ZNF276: variants seen among roughly 807,000 people sequenced by gnomAD.
The protein encoded by ZNF276 is zinc finger protein 276, also known as centromere protein Z.
Under a neutral mutation model 63.9 loss-of-function variants are expected in ZNF276, and 59 were observed. The ratio of observed to expected loss-of-function variants is 0.92; its 90% CI spans 0.75 to 1.15. The LOEUF is 1.15. ZNF276 is among the 50% of genes most tolerant of loss of function. The probability of loss-of-function intolerance (pLI) is 0.00; values close to 1 mark genes in which losing one functional copy is unlikely to be tolerated. For synonymous variants in ZNF276, 496 were observed against 348.4 expected (o/e 1.42, Z -4.72); for missense variants, 1,084 against 843.8 (o/e 1.28, Z -3.53).
rs544082768 is a variant in ZNF276, at chr16:89,724,963, T to A, written c.1006+1254T>A. On this transcript the variant is annotated intron_variant, in intron 4 of 10. Transcript: ENST00000443381. ...ATCTATCTATGTGTTTATTTATTTT[T>A]GAGACAGAGTCTCGTTTTGTAGCCC... is the stretch of plus-strand genomic sequence containing the variant. 1.6e-3 allele frequency among the ~76,000 whole-genome samples: 238 copies of A among 152,394 alleles called. 2 individuals carry two copies. Among genetic ancestry groups the A allele is most frequent in the African/African-American group, 5.3e-3 (221 of 41,600 alleles).
intron 5 of ZNF276, among the ~76,000 whole-genome samples, chr16:89,728,692 G>A (rs187529599): frequency 1.9e-3 from 291 of 152,142 alleles, no homozygotes; most frequent in African/African-American, 2.9e-3. Context: ...GTTAGCCACC[G>A]CACCCGGCCA....
chr16:89,721,224 G>A (rs939429183), upstream of ZNF276: 5 of 220,164 alleles, frequency 2.3e-5, no homozygotes, highest in Non-Finnish European at 3.5e-5. Flanking sequence ...CGCCACCTGC[G>A]CGCCGCGTGG....
chr16:89,729,055 G>T (rs979098761), intron 5 of ZNF276, among the ~76,000 whole-genome samples, 180 bp from the exon 6 acceptor site: 1 of 152,192 alleles, frequency 6.6e-6, no homozygotes. Context: ...TGTGAGCCTG[G>T]CTGGCCCTTT....
intron 1 of ZNF276, 24 bp from the exon 2 acceptor site, chr16:89,722,506 TA>T: frequency 6.3e-7 from 1 of 1,589,462 alleles, no homozygotes; most frequent in Non-Finnish European, 8.6e-7. Flanking sequence ...TGCCAGCTGC[TA>T]ACACTTCCTG....
Position 89,733,489 on chromosome 16 carries a change from C to T in ZNF276, c.1288C>T (p.Leu430Phe), listed in dbSNP as rs2061743800. The T allele has an allele frequency of 1.2e-6, 2 of 1,614,200 alleles. No individual in the cohort carries two copies. Among genetic ancestry groups the T allele is most frequent in the Non-Finnish European group, 1.7e-6 (2 of 1,180,038 alleles). ...GCATGCTCTTCATTGCAGGGAGGAGCTTCCCACCATCTACAAGTGTCCTTA... is the reference window on the plus strand; with the variant it reads ...GCATGCTCTTCATTGCAGGGAGGAGTTTCCCACCATCTACAAGTGTCCTTA... ...KKKLRCEREE[L>F]PTIYKCPYQG... The change falls in exon 8 of 11, where the codon CTT becomes TTT. Residue 430 changes from leucine (L) to phenylalanine (F), a missense_variant. Transcript: ENST00000443381.
rs539995229 is a variant in ZNF276 at position 89,739,679 on chromosome 16, C to T, written c.*1433C>T. ...GGCTGTGGGGATAGTGTGGGGCGAA[C>T]AGCCTGAGCTGAGGATACCCAGGTA... On this transcript the variant is annotated 3_prime_UTR_variant, in exon 11 of 11. Coordinates refer to ENST00000443381, the MANE Select transcript of ZNF276 (RefSeq NM_001113525.2). 8.1e-5 allele frequency: 122 copies of T among 1,515,270 alleles called. 2 individuals are homozygous for T. The South Asian group carries it at 1.4e-3, about 17-fold the overall frequency. The allele number at this position is 1,515,270 out of a possible 1,614,324, so 93.9% of individuals were successfully genotyped here.
At chr16:89,735,988 G>T (rs7202427) in intron 9 of ZNF276, among the ~76,000 whole-genome samples, 34,307 of 150,932 alleles carry the variant, frequency 0.23, 4,088 homozygotes, top group Middle Eastern at 0.33. Flanking sequence ...TCTTCCTGGG[G>T]TAAAGCCATT....
intron 9 of ZNF276, among the ~76,000 whole-genome samples, chr16:89,736,795 CAAAA>C (rs3039799): frequency 8.3e-5 from 6 of 72,472 alleles, no homozygotes; most frequent in African/African-American, 3.6e-4. Context: ...ACCCTGTCTC[CAAAA>C]AAAAAAAAAA....
At chr16:89,736,002 C>T (rs891102805) in intron 9 of ZNF276, among the ~76,000 whole-genome samples, 14 of 152,076 alleles carry the variant, frequency 9.2e-5, no homozygotes, top group African/African-American at 3.4e-4. Context: ...AGCCATTCTC[C>T]TGCCTCAGCC....
rs867946838 is a variant in ZNF276 at position 89,723,107 on chromosome 16, C to T, written c.510-30C>T. 5 of 1,613,122 alleles carry T rather than the reference C, an allele frequency of 3.1e-6. No homozygotes were observed. In the Middle Eastern group the frequency reaches 5.0e-4, roughly 163 times the overall value. ...GCGCTGTGAACCTCCGCCTGCTTGT[C>T]CTGCTCATGGCCACACTGATCCTTT... On this transcript the variant is annotated intron_variant, in intron 2 of 10. Transcript: ENST00000443381.
At chr16:89,729,823 G>A (rs1317156862) in intron 6 of ZNF276, among the ~76,000 whole-genome samples, 1 of 152,190 alleles carries the variant, frequency 6.6e-6, no homozygotes. Context: ...AATGACTTCT[G>A]TGAGCTTGTT....
Position 89,740,310 on chromosome 16 carries a change from G to A in ZNF276, c.*2064G>A. 2 of 589,984 alleles carry A rather than the reference G, an allele frequency of 3.4e-6. No homozygotes were observed. The highest frequency in any genetic ancestry group is 3.8e-5 in the South Asian group (2 of 51,968). The allele number at this position is 589,984 out of a possible 1,614,324, so 36.5% of individuals were successfully genotyped here. On this transcript the variant is annotated 3_prime_UTR_variant, in exon 11 of 11. Transcript: ENST00000443381. The stretch of plus-strand genomic sequence containing the variant: ...CAGGGACTTCGAGCACCCACACCAA[G>A]GCTGCTGCACCACGTCCTCAAATAA...
At chr16:89,720,946 G>C, upstream of ZNF276, 1 of 1,185,626 alleles carries the variant, frequency 8.4e-7, no homozygotes, top group Non-Finnish European at 1.1e-6. Context: ...GCTGGTGCTG[G>C]AGCCGCCCGA....
chr16:89,730,401 C>T (rs1180499615), intron 6 of ZNF276, among the ~76,000 whole-genome samples: 1 of 152,122 alleles, frequency 6.6e-6, no homozygotes, highest in Non-Finnish European at 1.5e-5. Context: ...GCTTGCTGCC[C>T]AGAAGGTCTG....
At chr16:89,724,907 C>A (rs537313947) in intron 4 of ZNF276, among the ~76,000 whole-genome samples, 1 of 152,102 alleles carries the variant, frequency 6.6e-6, no homozygotes, top group Non-Finnish European at 1.5e-5. Flanking sequence ...TACTTATCTA[C>A]CTATTTATCT....
At chr16:89,730,234 G>A (rs1362846529) in intron 6 of ZNF276, among the ~76,000 whole-genome samples, 2 of 152,330 alleles carry the variant, frequency 1.3e-5, no homozygotes, top group East Asian at 3.9e-4. Context: ...ACAGAAAACT[G>A]GTCAGGCCCA....
intron 9 of ZNF276, among the ~76,000 whole-genome samples, chr16:89,735,123 A>G (rs1388731557): frequency 6.6e-6 from 1 of 151,824 alleles, no homozygotes; most frequent in African/African-American, 2.4e-5. Context: ...ACAGTGAGAC[A>G]CTGTCTCAAA....
chr16:89,730,254 C>T (rs1393891398), intron 6 of ZNF276, among the ~76,000 whole-genome samples: 2 of 152,158 alleles, frequency 1.3e-5, no homozygotes, highest in African/African-American at 4.8e-5. Context: ...AGAAAAGGTG[C>T]CCGGGGGTCC....
chr16:89,727,982 G>A (rs947210056), intron 5 of ZNF276, among the ~76,000 whole-genome samples: 1 of 152,198 alleles, frequency 6.6e-6, no homozygotes, highest in Admixed American at 6.5e-5. Context: ...GCTGTGCCAG[G>A]CTGGGGTTTG....
Sources: allele counts gnomAD v4.1 joint callset (sites outside exome capture counted in the v4.1 genomes callset), GRCh38; gene constraint gnomAD v4.1.1; transcripts MANE v1.5; gene names NCBI Gene and HGNC (gene_info 2026-07-23, HGNC 2026-07-21).